The following ARHGEF17 variants were observed in gnomAD, a reference collection of about 807,000 sequenced individuals.
The protein encoded by ARHGEF17 is Rho guanine nucleotide exchange factor 17.
A neutral mutation model predicts 174.0 loss-of-function variants in ARHGEF17; 80 were observed. The observed-to-expected ratio is 0.46, with a 90% confidence interval of 0.38 to 0.55. The LOEUF is 0.55. Ranked by LOEUF, ARHGEF17 falls within the 20% of genes least tolerant of loss-of-function variation. The pLI is 0.00. For missense variants in ARHGEF17, 2,886 were observed against 2,839.7 expected (o/e 1.02, Z -0.37); for synonymous variants, 1,311 against 1,189.1 (o/e 1.10, Z -2.11).
chr11:73,309,748 C>T lies in ARHGEF17; in HGVS notation c.1110C>T (p.Phe370=). ...TGTCTGACTCTGTGGGAGGAGCTTT[C>T]CGTGTGGCCAAGGTGAGCTTTCCCT... ...RPMSDSVGGA[F]RVAKVSFPSY... is the part of the protein sequence containing the mutation. Residue 370 remains phenylalanine (F), a synonymous_variant, in exon 1 of 21, where the codon TTC becomes TTT. Transcript: ENST00000263674. 2 of 1,612,790 alleles carry T rather than the reference C, an allele frequency of 1.2e-6. No homozygotes were observed. Among genetic ancestry groups the T allele is most frequent in the Non-Finnish European group, 8.5e-7 (1 of 1,179,794 alleles).
At chr11:73,329,440 C>A (rs1256985490) in intron 1 of ARHGEF17, among the ~76,000 whole-genome samples, 1 of 139,900 alleles carries the variant, frequency 7.1e-6, no homozygotes, top group African/African-American at 2.7e-5. Flanking sequence ...CATTCTGTCA[C>A]CCACGCTGGA....
At chr11:73,320,105 A>G (rs1024331623) in intron 1 of ARHGEF17, among the ~76,000 whole-genome samples, 5 of 151,866 alleles carry the variant, frequency 3.3e-5, no homozygotes, top group Admixed American at 1.3e-4. Context: ...TGGGAGCTCC[A>G]TGTGGGAATT....
chr11:73,349,953 A>G (rs1054280679), intron 2 of ARHGEF17, among the ~76,000 whole-genome samples: 1 of 152,198 alleles, frequency 6.6e-6, no homozygotes, highest in African/African-American at 2.4e-5. Context: ...AGCCACCAGC[A>G]TTCAAACTTG....
chr11:73,366,971 C>T (rs945191188), intron 20 of ARHGEF17, among the ~76,000 whole-genome samples: 2 of 152,000 alleles, frequency 1.3e-5, no homozygotes, highest in Admixed American at 6.5e-5. Context: ...ACCAGGGAGG[C>T]GGAGGTTGCA....
At chr11:73,350,144 T>C (rs1865529135) in intron 2 of ARHGEF17, among the ~76,000 whole-genome samples, 1 of 152,218 alleles carries the variant, frequency 6.6e-6, no homozygotes, top group Non-Finnish European at 1.5e-5. Flanking sequence ...AAAGTTGCAT[T>C]TAATCTTTGT....
At position 73,311,528 on chromosome 11, in the gene ARHGEF17, G is replaced by A. The variant is rs1298383300; in HGVS notation, c.2890G>A (p.Ala964Thr). The A allele has an allele frequency of 5.0e-6, 8 of 1,613,358 alleles. No individual in the cohort carries two copies. Among genetic ancestry groups the A allele is most frequent in the Non-Finnish European group, 6.8e-6 (8 of 1,180,036 alleles). The change falls in exon 1 of 21, where the codon GCC (alanine) becomes ACC (threonine). Residue 964 changes from alanine to threonine, a missense_variant. Physicochemically the swap from Ala to Thr is moderately conservative, Grantham distance 58 (BLOSUM62 0). Around this residue, in one of 4 missense-constraint regions of ARHGEF17, gnomAD observed 1,728 missense variants for 1,461.2 expected, o/e 1.18. Coordinates refer to ENST00000263674, the MANE Select transcript of ARHGEF17 (RefSeq NM_014786.4). ...SRHVRHASVPATFMPIVVPEP... is the reference protein window; with the variant it reads ...SRHVRHASVPTTFMPIVVPEP... The stretch of plus-strand genomic sequence containing the variant: ...ACACGTTCGCCATGCCAGTGTGCCC[G>A]CCACATTTATGCCTATTGTGGTGCC...
chr11:73,360,939 C>G, intron 11 of ARHGEF17, 149 bp from the exon 12 acceptor site: 2 of 639,738 alleles, frequency 3.1e-6, no homozygotes, highest in South Asian at 3.9e-5. Context: ...CCAGGAGCAA[C>G]TGCCTTATTC....
intron 1 of ARHGEF17, among the ~76,000 whole-genome samples, chr11:73,344,460 C>T (rs1474278924): frequency 2.0e-5 from 3 of 152,230 alleles, no homozygotes; most frequent in Non-Finnish European, 2.9e-5. Context: ...TCAGGCACAG[C>T]GCCAGCCCTG....
At chr11:73,330,469 A>G (rs1284788945) in intron 1 of ARHGEF17, among the ~76,000 whole-genome samples, 2 of 151,700 alleles carry the variant, frequency 1.3e-5, no homozygotes, top group Admixed American at 6.6e-5. Context: ...TATGACTGCA[A>G]CTCTTTTTTT....
In ARHGEF17 at chr11:73,308,988, G is replaced by C; in HGVS notation, c.350G>C (p.Gly117Ala). Residue 117 changes from glycine (G) to alanine (A), a missense_variant, in exon 1 of 21, where the codon GGC becomes GCC. Gly to Ala is a moderately conservative substitution (Grantham distance 60, BLOSUM62 0). Coordinates refer to ENST00000263674, the MANE Select transcript of ARHGEF17 (RefSeq NM_014786.4). ...LPAAAEEAAE[G>A]PARGAWPSVT... ...GCGGCCGCGGAAGAAGCGGCCGAGG[G>C]CCCAGCGCGAGGAGCCTGGCCCAGC... 1.4e-6 allele frequency: 2 copies of C among 1,380,650 alleles called. No individual in the cohort carries two copies. The highest frequency in any genetic ancestry group is 1.9e-6 in the Non-Finnish European group (2 of 1,072,238). 85.5% of individuals were successfully genotyped at this position (1,380,650 alleles called of 1,614,324 possible).
chr11:73,341,156 A>G (rs1865362087), intron 1 of ARHGEF17, among the ~76,000 whole-genome samples: 1 of 152,206 alleles, frequency 6.6e-6, no homozygotes, highest in African/African-American at 2.4e-5. Flanking sequence ...AATTGCTTAA[A>G]TGTATATTTA....
intron 3 of ARHGEF17, 111 bp downstream of exon 3, chr11:73,353,123 TC>T: frequency 7.2e-7 from 1 of 1,392,538 alleles, no homozygotes; most frequent in Non-Finnish European, 9.8e-7. Flanking sequence ...TGACTCTGTT[TC>T]CAGATCTGAC....
chr11:73,365,636 G>T lies in ARHGEF17; in HGVS notation c.5726-42G>T, dbSNP rs1423923007. 6.2e-7 allele frequency: 1 copy of T among 1,607,886 alleles called. No homozygotes were observed. Among genetic ancestry groups the T allele is most frequent in the South Asian group, 1.1e-5 (1 of 90,998 alleles). On this transcript the variant is annotated intron_variant, in intron 19 of 20. Coordinates refer to ENST00000263674, the MANE Select transcript of ARHGEF17 (RefSeq NM_014786.4). This position sits in a 1 kb window ranked among gnomAD's most constrained non-coding sequence, Gnocchi z 4.9. ...CCGATCGTAGAGGCGGCTGAGCCAG[G>T]GCCAGAATTCAGCCCCAGCTGTGGT...
intron 1 of ARHGEF17, among the ~76,000 whole-genome samples, chr11:73,312,470 G>A (rs1420893218): frequency 6.6e-6 from 1 of 152,164 alleles, no homozygotes; most frequent in African/African-American, 2.4e-5. Context: ...CCAATCAGGG[G>A]AGATAGGTGG....
rs536406441 is a variant in ARHGEF17 at position 73,310,211 on chromosome 11, C to T, written c.1573C>T (p.Pro525Ser). 1 of 1,614,034 alleles carries T rather than the reference C, an allele frequency of 6.2e-7. No individual in the cohort carries two copies. Among genetic ancestry groups the T allele is most frequent in the African/African-American group, 1.3e-5 (1 of 75,040 alleles). The change falls in exon 1 of 21, where the codon CCA becomes TCA. Residue 525 changes from proline to serine, a missense_variant. By Grantham distance (74) the Pro-to-Ser change is moderately conservative. Around this residue, in one of 4 missense-constraint regions of ARHGEF17, gnomAD observed 1,728 missense variants for 1,461.2 expected, o/e 1.18. Transcript: ENST00000263674. Reference sequence around the variant, plus strand: ...ACTTGAACCCATACCCATCCCAGCCCCAGCATCACCTGGCACGCGCCCCAC... The same window carrying T: ...ACTTGAACCCATACCCATCCCAGCCTCAGCATCACCTGGCACGCGCCCCAC... ...GQLEPIPIPA[P>S]ASPGTRPTLK...
intron 16 of ARHGEF17, 78 bp from the exon 17 acceptor site, chr11:73,364,094 A>C (rs1335181526): frequency 2.8e-5 from 40 of 1,440,270 alleles, no homozygotes; most frequent in Non-Finnish European, 3.5e-5. Flanking sequence ...TACCCATTCT[A>C]TCTGTGGTTC....
rs748424645 is a variant in ARHGEF17 at position 73,363,225 on chromosome 11, C to A, written c.5016C>A (p.Ser1672=). ...SSFGNEETPS[S]KEATAETTSS... is the part of the protein sequence containing the mutation. ...CCTCAGATGAGGAGACCCCGAGTTC[C>A]AAGGAGGCCACGGCAGAGACCACCA... Residue 1672 remains serine, a synonymous_variant, in exon 15 of 21, where the codon TCC becomes TCA. Coordinates refer to ENST00000263674, the MANE Select transcript of ARHGEF17 (RefSeq NM_014786.4). The A allele has an allele frequency of 1.3e-6, 2 of 1,578,782 alleles. No homozygotes were observed. Among genetic ancestry groups the A allele is most frequent in the East Asian group, 2.3e-5 (1 of 44,332 alleles).
rs1865220241 is a variant in ARHGEF17, at chr11:73,332,353, G to GTGTC, written c.3193-14527_3193-14526insCTGT. On this transcript the variant is annotated intron_variant, in intron 1 of 20. Transcript: ENST00000263674. The stretch of plus-strand genomic sequence containing the variant: ...ATTTCCCTCCAGGCTTTTTCTCCGT[G>GTGTC]TGTGTGTGTGTGTGTGTGTGTGTGT... 1.7e-4 allele frequency among the ~76,000 whole-genome samples: 2 copies of GTGTC among 11,858 alleles called. 1 individual carries two copies. Among genetic ancestry groups the GTGTC allele is most frequent in the South Asian group, 4.3e-3 (2 of 468 alleles). 7.8% of individuals were successfully genotyped at this position (11,858 alleles called of 152,430 possible).
At chr11:73,342,098 TAC>T (rs1865378958) in intron 1 of ARHGEF17, among the ~76,000 whole-genome samples, 2 of 151,274 alleles carry the variant, frequency 1.3e-5, no homozygotes, top group African/African-American at 2.4e-5. Context: ...ACAGTCTAGG[TAC>T]GGGAGCACAG....
Sources: gnomAD v4.1 joint callset for allele counts (sites outside exome capture counted in the v4.1 genomes callset) on GRCh38, gnomAD v4.1.1 for gene constraint, gnomAD v4.1.1 regional missense constraint, Gnocchi (gnomAD v3.1) non-coding constraint, MANE v1.5 for transcripts, NCBI Gene and HGNC (gene_info 2026-07-23, HGNC 2026-07-21) for gene names.